PLEKHM3: variants seen among roughly 807,000 people sequenced by gnomAD.
PLEKHM3 encodes pleckstrin homology domain-containing family M member 3.
PLEKHM3 carries 45 observed loss-of-function variants against 81.8 expected under a neutral mutation model. The observed-to-expected ratio is 0.55, with a 90% CI of 0.43 to 0.71. The LOEUF is 0.71. PLEKHM3 is among the 30% of genes least tolerant of loss of function. PLEKHM3 has a pLI of 0.00. For missense variants in PLEKHM3, 788 were observed against 924.3 expected, an observed-to-expected ratio of 0.85 and a Z score of 1.91; for synonymous variants, 352 against 356.4, an observed-to-expected ratio of 0.99 and a Z score of 0.14.
chr2:207,893,254 T>G (rs560031084), intron 6 of PLEKHM3, among the ~76,000 whole-genome samples: 1 of 152,262 alleles, frequency 6.6e-6, no homozygotes, highest in Admixed American at 6.5e-5. Flanking sequence ...TGTACCATTG[T>G]GCTGCTGTTT....
At chr2:207,919,879 G>A (rs72964902) in intron 5 of PLEKHM3, among the ~76,000 whole-genome samples, 1,839 of 152,252 alleles carry the variant, frequency 0.012, 14 homozygotes, top group Non-Finnish European at 0.02. Flanking sequence ...CATTGATGGG[G>A]ACTGGTCTAA....
chr2:207,930,785 G>T, intron 5 of PLEKHM3, 141 bp downstream of exon 5: 1 of 870,718 alleles, frequency 1.1e-6, no homozygotes, highest in Non-Finnish European at 1.8e-6. Flanking sequence ...CCCAGAGAGA[G>T]GCTGGCAGTG....
intron 5 of PLEKHM3, among the ~76,000 whole-genome samples, chr2:207,916,195 G>A (rs1233391447): frequency 1.3e-5 from 2 of 152,146 alleles, no homozygotes; most frequent in Non-Finnish European, 2.9e-5. Context: ...TTGGCAGGTA[G>A]TTACAGGAAA....
intron 7 of PLEKHM3, among the ~76,000 whole-genome samples, chr2:207,841,425 G>C (rs113402908): frequency 0.046 from 5,629 of 123,352 alleles, 270 homozygotes; most frequent in African/African-American, 0.12. Flanking sequence ...CTCCAGCCCG[G>C]GTGACACAGC....
chr2:207,912,819 C>G (rs757110338), intron 5 of PLEKHM3, among the ~76,000 whole-genome samples: 16 of 152,158 alleles, frequency 1.1e-4, no homozygotes, highest in Non-Finnish European at 2.2e-4. Context: ...AGATAACTTA[C>G]GCACACTGCC....
chr2:207,997,697 C>G (rs1296034905), intron 2 of PLEKHM3, among the ~76,000 whole-genome samples: 1 of 152,144 alleles, frequency 6.6e-6, no homozygotes, highest in African/African-American at 2.4e-5. Context: ...ATTTGAGACA[C>G]TTTGAATTTG....
At chr2:207,864,048 A>G (rs1031143431) in intron 6 of PLEKHM3, among the ~76,000 whole-genome samples, 1 of 152,068 alleles carries the variant, frequency 6.6e-6, no homozygotes, top group Non-Finnish European at 1.5e-5. Flanking sequence ...CTTTGTATAT[A>G]GCTGTGTTTT....
At chr2:207,916,961 TAGCA>T (rs1689012810) in intron 5 of PLEKHM3, among the ~76,000 whole-genome samples, 1 of 152,186 alleles carries the variant, frequency 6.6e-6, no homozygotes, top group Non-Finnish European at 1.5e-5. Context: ...AGACAGTCTG[TAGCA>T]CCCTTTTACA....
At chr2:208,003,025 T>C (rs186837756) in intron 1 of PLEKHM3, among the ~76,000 whole-genome samples, 4 of 152,316 alleles carry the variant, frequency 2.6e-5, no homozygotes, top group Admixed American at 2.6e-4. Flanking sequence ...GGTTTGGTTG[T>C]GTCCCAACCC....
At chr2:207,876,607 G>A (rs1014847172) in intron 6 of PLEKHM3, among the ~76,000 whole-genome samples, 6 of 152,198 alleles carry the variant, frequency 3.9e-5, no homozygotes, top group African/African-American at 1.4e-4. Flanking sequence ...AGTGTCAATA[G>A]CCATATCTAA....
At chr2:207,933,617 G>C (rs1467096174) in intron 4 of PLEKHM3, among the ~76,000 whole-genome samples, 1 of 152,100 alleles carries the variant, frequency 6.6e-6, no homozygotes. Context: ...CAGTCTCCCA[G>C]GCCTTAAAAG....
chr2:207,860,193 G>GTGTGTT, intron 7 of PLEKHM3, among the ~76,000 whole-genome samples: 1 of 150,520 alleles, frequency 6.6e-6, no homozygotes, highest in Middle Eastern at 3.2e-3. Context: ...GTGTGTGTGT[G>GTGTGTT]TGTGTGTGTG....
chr2:207,846,627 G>A (rs1273560506), intron 7 of PLEKHM3, among the ~76,000 whole-genome samples: 1 of 151,968 alleles, frequency 6.6e-6, no homozygotes, highest in Non-Finnish European at 1.5e-5. Context: ...GCAGGCTGAG[G>A]TGAGAGGATC....
intron 6 of PLEKHM3, among the ~76,000 whole-genome samples, chr2:207,884,683 C>T (rs1317093609): frequency 1.3e-5 from 2 of 152,130 alleles, no homozygotes; most frequent in Admixed American, 6.6e-5. Context: ...GATGATGTAT[C>T]TATATTTTAT....
chr2:208,021,857 C>A (rs754042887), intron 1 of PLEKHM3, among the ~76,000 whole-genome samples: 1 of 152,206 alleles, frequency 6.6e-6, no homozygotes, highest in Non-Finnish European at 1.5e-5. Context: ...CACCTTTCCA[C>A]ACTGCTAAAC....
chr2:207,940,154 C>T lies in PLEKHM3; in HGVS notation c.1692+6213G>A, dbSNP rs143600115. Reference sequence around the variant, plus strand: ...TGCCAGAACTGTGCTAAAACACATTCCGTGTGCCCAGAGAGCTCACCTTTA... The same window carrying T: ...TGCCAGAACTGTGCTAAAACACATTTCGTGTGCCCAGAGAGCTCACCTTTA... On this transcript the variant is annotated intron_variant, in intron 4 of 7. Coordinates refer to ENST00000427836, the MANE Select transcript of PLEKHM3 (RefSeq NM_001080475.3). Among the ~76,000 whole-genome samples the T allele has an allele frequency of 1.4e-3, 216 of 152,294 alleles. 1 individual carries two copies. Among genetic ancestry groups the T allele is most frequent in the Non-Finnish European group, 1.5e-3 (99 of 68,032 alleles).
chr2:207,968,913 C>A (rs1309463149), intron 3 of PLEKHM3, among the ~76,000 whole-genome samples: 2 of 152,168 alleles, frequency 1.3e-5, no homozygotes, highest in Non-Finnish European at 2.9e-5. Flanking sequence ...GGGGAAGGGT[C>A]ATATCTGAGT....
chr2:207,913,252 C>T (rs1049500032), intron 5 of PLEKHM3, among the ~76,000 whole-genome samples: 10 of 151,766 alleles, frequency 6.6e-5, no homozygotes, highest in Non-Finnish European at 1.0e-4. Context: ...GATTTGTGGG[C>T]CCCCAGCTTA....
chr2:207,931,158 C>A, intron 4 of PLEKHM3, 39 bp from the exon 5 acceptor site: 1 of 1,548,196 alleles, frequency 6.5e-7, no homozygotes, highest in Non-Finnish European at 8.8e-7. Context: ...TGGAGAAGCA[C>A]CTGGCTCTCC....
Sources: gnomAD v4.1 joint callset for allele counts (sites outside exome capture counted in the v4.1 genomes callset) on GRCh38, gnomAD v4.1.1 for gene constraint, MANE v1.5 for transcripts, NCBI Gene and HGNC (gene_info 2026-07-23, HGNC 2026-07-21) for gene names.